Variants in SLC9A9 observed in about 807,000 individuals in gnomAD.
The protein encoded by SLC9A9 is sodium/hydrogen exchanger 9.
In SLC9A9, 62 loss-of-function variants were observed where a neutral mutation model predicts 77.8. The ratio of observed to expected loss-of-function variants is 0.80; its 90% CI spans 0.65 to 0.98. The LOEUF (loss-of-function observed/expected upper bound fraction) is 0.98. Among genes scored for constraint, SLC9A9 ranks in the 50% least tolerant of loss-of-function variants. The probability of loss-of-function intolerance (pLI) is 0.00; values close to 1 mark genes in which losing one functional copy is unlikely to be tolerated. For missense variants in SLC9A9, 775 were observed against 774.9 expected (o/e 1.00, Z 0.00); for synonymous variants, 320 against 283.5 (o/e 1.13, Z -1.29).
chr3:143,406,841 T>A (rs1218475456), intron 12 of SLC9A9, among the ~76,000 whole-genome samples: 2 of 151,654 alleles, frequency 1.3e-5, no homozygotes, highest in Admixed American at 1.3e-4. Flanking sequence ...CCAGGCATGG[T>A]GGCGCATGCC....
At position 143,729,372 on chromosome 3, in the gene SLC9A9, T is replaced by C. The variant is rs1160340626; in HGVS notation, c.534-36065A>G. ...TGCCTCATCTGTAAAATGGGCATAATAGTATCTACTTCATTGGCTGATGTA... is the reference window on the plus strand; with the variant it reads ...TGCCTCATCTGTAAAATGGGCATAACAGTATCTACTTCATTGGCTGATGTA... On this transcript the variant is annotated intron_variant, in intron 4 of 15. Transcript: ENST00000316549. Among the ~76,000 whole-genome samples the C allele has an allele frequency of 3.9e-5, 6 of 152,284 alleles. 1 individual carries two copies. In the South Asian group the frequency reaches 1.0e-3, roughly 26 times the overall value.
chr3:143,396,122 T>A (rs901039810), intron 12 of SLC9A9, among the ~76,000 whole-genome samples: 2 of 152,196 alleles, frequency 1.3e-5, no homozygotes, highest in African/African-American at 4.8e-5. Context: ...GGATTATAAA[T>A]CATGCTACTA....
At chr3:143,825,277 G>T (rs1306209570) in intron 2 of SLC9A9, among the ~76,000 whole-genome samples, 1 of 152,104 alleles carries the variant, frequency 6.6e-6, no homozygotes, top group Non-Finnish European at 1.5e-5. Flanking sequence ...ACAGGAAGAG[G>T]TTTGCCCCTG....
At chr3:143,709,731 G>A (rs1934089784) in intron 4 of SLC9A9, among the ~76,000 whole-genome samples, 1 of 152,184 alleles carries the variant, frequency 6.6e-6, no homozygotes, top group Non-Finnish European at 1.5e-5. Context: ...AACAGTATGT[G>A]AGGATTCAAG....
chr3:143,412,522 C>G (rs965832862), intron 12 of SLC9A9, among the ~76,000 whole-genome samples: 8 of 151,354 alleles, frequency 5.3e-5, no homozygotes, highest in Non-Finnish European at 1.2e-4. Context: ...AAGCTCCTCA[C>G]ATTCCCCAGA....
intron 1 of SLC9A9, 99 bp from the exon 2 acceptor site, chr3:143,832,320 A>C: frequency 1.9e-6 from 2 of 1,062,638 alleles, no homozygotes; most frequent in Non-Finnish European, 2.8e-6. Context: ...GTGACAGGAT[A>C]AAGTGTTGGG....
chr3:143,386,228 T>A (rs1016664855), intron 12 of SLC9A9, among the ~76,000 whole-genome samples: 4 of 152,240 alleles, frequency 2.6e-5, no homozygotes, highest in African/African-American at 7.2e-5. Flanking sequence ...ATCACCTTGC[T>A]CTGTCTTTGG....
intron 9 of SLC9A9, among the ~76,000 whole-genome samples, chr3:143,499,724 C>G (rs1015297289): frequency 6.6e-6 from 1 of 152,056 alleles, no homozygotes; most frequent in East Asian, 1.9e-4. Flanking sequence ...ACATTTTTCA[C>G]TATTTCTCTA....
At chr3:143,382,657 G>A (rs2033334654) in intron 12 of SLC9A9, among the ~76,000 whole-genome samples, 1 of 152,158 alleles carries the variant, frequency 6.6e-6, no homozygotes, top group Non-Finnish European at 1.5e-5. Flanking sequence ...ACAAAATTGG[G>A]AGTGAAAGTG....
At chr3:143,623,220 A>G (rs1213583910) in intron 6 of SLC9A9, among the ~76,000 whole-genome samples, 1 of 152,216 alleles carries the variant, frequency 6.6e-6, no homozygotes, top group Non-Finnish European at 1.5e-5. Context: ...CAGAAAATTA[A>G]CAAGGATATC....
Position 143,265,852 on chromosome 3 carries a change from C to A in SLC9A9, c.*850G>T. ...CAGTCTGCTGCCAGGTAGAGAGCAA[C>A]ACAGGCTGCAGAATCCTACCCTCCA... On this transcript the variant is annotated 3_prime_UTR_variant, in exon 16 of 16. Coordinates refer to ENST00000316549, the MANE Select transcript of SLC9A9 (RefSeq NM_173653.4). 1 of 596,488 alleles carries A rather than the reference C, an allele frequency of 1.7e-6. No homozygotes were observed. The highest frequency in any genetic ancestry group is 3.0e-6 in the Non-Finnish European group (1 of 334,434). The allele number at this position is 596,488 out of a possible 1,614,324, so 36.9% of individuals were successfully genotyped here.
intron 5 of SLC9A9, among the ~76,000 whole-genome samples, chr3:143,688,764 G>A (rs1485306222): frequency 6.6e-6 from 1 of 151,962 alleles, no homozygotes; most frequent in East Asian, 1.9e-4. Context: ...TTCATTTCAT[G>A]TTCTTTCAAT....
chr3:143,679,189 A>G (rs111942065), intron 5 of SLC9A9, among the ~76,000 whole-genome samples: 229 of 152,354 alleles, frequency 1.5e-3, no homozygotes, highest in African/African-American at 5.3e-3. Flanking sequence ...TTGCATTTCC[A>G]TGGAGTAATC....
At position 143,663,758 on chromosome 3, in the gene SLC9A9, G is replaced by T. The variant is rs142830851; in HGVS notation, c.650-11398C>A. Among the ~76,000 whole-genome samples, 33 of 152,060 alleles carry T rather than the reference G, an allele frequency of 2.2e-4. No homozygotes were observed. In the East Asian group the frequency reaches 5.8e-3, roughly 27 times the overall value. On this transcript the variant is annotated intron_variant, in intron 5 of 15. Coordinates refer to ENST00000316549, the MANE Select transcript of SLC9A9 (RefSeq NM_173653.4). ...TTAATGACATGAAGTGAGAAGAGAA[G>T]TTTAGAGAAAAAAGAGTAAAAAGAA...
intron 4 of SLC9A9, among the ~76,000 whole-genome samples, chr3:143,748,496 C>T (rs1478024467): frequency 6.6e-6 from 1 of 152,116 alleles, no homozygotes; most frequent in African/African-American, 2.4e-5. Context: ...CATGAAAATT[C>T]CCCTCACTAA....
At chr3:143,638,152 G>A (rs371316828) in intron 6 of SLC9A9, among the ~76,000 whole-genome samples, 11 of 152,150 alleles carry the variant, frequency 7.2e-5, no homozygotes, top group Non-Finnish European at 7.4e-5. Context: ...GAATGGGAAT[G>A]GGGGGTAAAA....
At chr3:143,503,408 G>A in intron 9 of SLC9A9, 1 of 324,450 alleles carries the variant, frequency 3.1e-6, no homozygotes, top group Admixed American at 4.0e-5. Flanking sequence ...GGAAGAATGA[G>A]TGTCACTGTT....
At chr3:143,363,259 T>C (rs2032803107) in intron 14 of SLC9A9, among the ~76,000 whole-genome samples, 1 of 152,262 alleles carries the variant, frequency 6.6e-6, no homozygotes, top group African/African-American at 2.4e-5. Flanking sequence ...AAACCTTAGA[T>C]AAATTTGACT....
At chr3:143,666,774 G>T (rs1273247368) in intron 5 of SLC9A9, among the ~76,000 whole-genome samples, 2 of 152,092 alleles carry the variant, frequency 1.3e-5, no homozygotes, top group Admixed American at 6.5e-5. Context: ...CAACTTACAA[G>T]GGATGTGAAG....
Sources: gnomAD v4.1 joint callset for allele counts (sites outside exome capture counted in the v4.1 genomes callset) on GRCh38, gnomAD v4.1.1 for gene constraint, MANE v1.5 for transcripts, NCBI Gene and HGNC (gene_info 2026-07-23, HGNC 2026-07-21) for gene names.